The following PDZD2 variants were observed in gnomAD, a reference collection of about 807,000 sequenced individuals.
PDZD2 encodes the protein PDZ domain-containing protein 2.
Under a neutral mutation model 220.7 loss-of-function variants are expected in PDZD2, and 90 were observed. The ratio of observed to expected loss-of-function variants is 0.41; its 90% CI spans 0.34 to 0.49. The LOEUF is 0.49. PDZD2 is among the 20% of genes least tolerant of loss of function. PDZD2 has a pLI of 0.28. For missense variants in PDZD2, 3,174 were observed against 3,608.5 expected, an observed-to-expected ratio of 0.88 and a Z score of 3.08; for synonymous variants, 1,375 against 1,450.5, an observed-to-expected ratio of 0.95 and a Z score of 1.18.
chr5:31,743,095 A>T (rs2150168669), intron 1 of PDZD2, among the ~76,000 whole-genome samples: 1 of 152,304 alleles, frequency 6.6e-6, no homozygotes, highest in East Asian at 1.9e-4. Context: ...ATTCTGCCAT[A>T]CATACATTGA....
intron 5 of PDZD2, among the ~76,000 whole-genome samples, chr5:32,006,891 T>A (rs1395197073): frequency 6.7e-6 from 1 of 148,310 alleles, no homozygotes; most frequent in Non-Finnish European, 1.5e-5. Context: ...GATTTCACTA[T>A]GTTAGCCATG....
intron 1 of PDZD2, among the ~76,000 whole-genome samples, chr5:31,766,391 A>G (rs79661351): frequency 0.079 from 12,026 of 152,128 alleles, 894 homozygotes; most frequent in African/African-American, 0.2. Flanking sequence ...ATCTTATTTT[A>G]TTTTTTGAGA....
In PDZD2 at chr5:31,888,254, A is replaced by G. The variant is rs546237829; in HGVS notation, c.476+88530A>G. On this transcript the variant is annotated intron_variant, in intron 2 of 24. Transcript: ENST00000438447. Reference sequence around the variant, plus strand: ...GTCACCCAGGCTGGAGTGCAGTGCTATGATCTCAGCTCACTGCAACTTCCG... The same window carrying G: ...GTCACCCAGGCTGGAGTGCAGTGCTGTGATCTCAGCTCACTGCAACTTCCG... Among the ~76,000 whole-genome samples the G allele has an allele frequency of 4.0e-5, 6 of 149,762 alleles. No individual in the cohort carries two copies. The South Asian group carries it at 1.1e-3, about 26-fold the overall frequency.
intron 2 of PDZD2, among the ~76,000 whole-genome samples, chr5:31,981,000 G>T (rs1456370054): frequency 6.6e-6 from 1 of 152,178 alleles, no homozygotes; most frequent in Non-Finnish European, 1.5e-5. Flanking sequence ...TGGCCAGGCT[G>T]TTCTGGAACT....
chr5:31,762,869 T>C (rs1380694901), intron 1 of PDZD2, among the ~76,000 whole-genome samples: 1 of 152,014 alleles, frequency 6.6e-6, no homozygotes, highest in South Asian at 2.1e-4. Flanking sequence ...CCCTGTGGAG[T>C]GCTGCCTTCC....
At chr5:31,908,094 AAAAAAAAAAAAAAAG>A (rs961544908) in intron 2 of PDZD2, among the ~76,000 whole-genome samples, 1 of 142,078 alleles carries the variant, frequency 7.0e-6, no homozygotes, top group Non-Finnish European at 1.6e-5. Flanking sequence ...AAAAAAAAAA[AAAAAAAAAAAAAAAG>A]AAAGAAAAGG....
At chr5:31,810,486 G>C (rs10037938) in intron 2 of PDZD2, among the ~76,000 whole-genome samples, 81,052 of 151,810 alleles carry the variant, frequency 0.53, 21,948 homozygotes, top group Non-Finnish European at 0.56. Context: ...AGGATGGTCT[G>C]GATCTCCTGA....
chr5:32,082,541 T>C (rs1365864835), intron 19 of PDZD2, among the ~76,000 whole-genome samples: 1 of 152,002 alleles, frequency 6.6e-6, no homozygotes, highest in African/African-American at 2.4e-5. Flanking sequence ...ACACACCTCA[T>C]GGGGTTGTTG....
intron 2 of PDZD2, among the ~76,000 whole-genome samples, chr5:31,953,534 A>G (rs1747365139): frequency 6.6e-6 from 1 of 152,106 alleles, no homozygotes; most frequent in African/African-American, 2.4e-5. Context: ...AAAAGTTGAG[A>G]CCTGGCATGG....
chr5:32,044,126 C>T (rs1184776190), intron 7 of PDZD2, among the ~76,000 whole-genome samples: 2 of 151,512 alleles, frequency 1.3e-5, no homozygotes, highest in African/African-American at 2.4e-5. Context: ...GTCAGGAGTT[C>T]GAGACCAGCC....
chr5:32,029,329 TAAAAA>T (rs34025632), intron 6 of PDZD2, among the ~76,000 whole-genome samples: 2 of 65,834 alleles, frequency 3.0e-5, no homozygotes, highest in Non-Finnish European at 5.3e-5. Flanking sequence ...TCAAGAACTG[TAAAAA>T]AAAAAAAAAA....
intron 1 of PDZD2, among the ~76,000 whole-genome samples, chr5:31,687,556 A>G (rs1746922685): frequency 6.6e-6 from 1 of 152,152 alleles, no homozygotes; most frequent in African/African-American, 2.4e-5. Context: ...AACTGCTTCC[A>G]TATATTTTGG....
intron 2 of PDZD2, among the ~76,000 whole-genome samples, chr5:31,966,653 AG>A (rs1191833650): frequency 6.6e-6 from 1 of 152,208 alleles, no homozygotes; most frequent in African/African-American, 2.4e-5. Flanking sequence ...TTTCTAGGCC[AG>A]GGTTCTGTTG....
In PDZD2 at chr5:31,880,791, C is replaced by CTTTTTT. The variant is rs1037018187; in HGVS notation, c.476+81089_476+81094dup. ...AGAAAGGTAGCTTTCTTTTTTTTTT[C>CTTTTTT]TTTTTTTTTTTTTTTTTTTTTTTTT... is the stretch of plus-strand genomic sequence containing the variant. On this transcript the variant is annotated intron_variant, in intron 2 of 24. Transcript: ENST00000438447. 1.4e-3 allele frequency among the ~76,000 whole-genome samples: 109 copies of CTTTTTT among 76,458 alleles called. 1 individual carries two copies. The highest frequency in any genetic ancestry group is 2.2e-3 in the Non-Finnish European group (93 of 42,276). 50.2% of individuals were successfully genotyped at this position (76,458 alleles called of 152,430 possible).
At chr5:32,006,935 A>ATTTT (rs1561328463) in intron 5 of PDZD2, among the ~76,000 whole-genome samples, 4 of 45,046 alleles carry the variant, frequency 8.9e-5, no homozygotes, top group Non-Finnish European at 1.9e-4. Context: ...TTTTTTTTTG[A>ATTTT]GACGGAGTCT....
At position 31,721,516 on chromosome 5, in the gene PDZD2, C is replaced by CTT. The variant is rs752973527; in HGVS notation, c.-360-77353_-360-77352dup. The stretch of plus-strand genomic sequence containing the variant: ...AAAGCCTGACACCAAATAACTGCCT[C>CTT]TTTTTTTTTTTTTTTTTTTTTAGAA... On this transcript the variant is annotated intron_variant, in intron 1 of 24. Coordinates refer to ENST00000438447, the MANE Select transcript of PDZD2 (RefSeq NM_178140.4). Among the ~76,000 whole-genome samples the CTT allele has an allele frequency of 6.8e-3, 813 of 120,286 alleles. 6 individuals carry two copies. Among genetic ancestry groups the CTT allele is most frequent in the African/African-American group, 0.023 (763 of 33,324 alleles). The allele number at this position is 120,286 out of a possible 152,430, so 78.9% of individuals were successfully genotyped here. A position where few individuals can be genotyped will look rare whatever the true frequency, so the allele number is the denominator to read the frequency against.
chr5:32,050,869 T>C (rs1235171156), intron 8 of PDZD2, among the ~76,000 whole-genome samples: 2 of 152,164 alleles, frequency 1.3e-5, no homozygotes, highest in African/African-American at 4.8e-5. Flanking sequence ...AGATTTGACC[T>C]CTCCAGTAAA....
At chr5:32,041,546 C>T (rs1380895852) in intron 7 of PDZD2, among the ~76,000 whole-genome samples, 1 of 152,076 alleles carries the variant, frequency 6.6e-6, no homozygotes, top group South Asian at 2.1e-4. Context: ...TACCCCCAAC[C>T]CCGTGCTCTC....
intron 2 of PDZD2, among the ~76,000 whole-genome samples, chr5:31,914,753 C>A (rs993828991): frequency 1.3e-5 from 2 of 152,128 alleles, no homozygotes; most frequent in African/African-American, 4.8e-5. Context: ...GTTTTTGTTC[C>A]AGGTGGTGTT....
Sources: allele counts gnomAD v4.1 joint callset (sites outside exome capture counted in the v4.1 genomes callset), GRCh38; gene constraint gnomAD v4.1.1; transcripts MANE v1.5; gene names NCBI Gene and HGNC (gene_info 2026-07-23, HGNC 2026-07-21).